MSH3: variants seen among roughly 807,000 people sequenced by gnomAD.
MSH3 encodes DNA mismatch repair protein Msh3.
Under a neutral mutation model 123.3 loss-of-function variants are expected in MSH3, and 106 were observed. The ratio of observed to expected loss-of-function variants is 0.86; its 90% CI spans 0.73 to 1.01. The LOEUF (loss-of-function observed/expected upper bound fraction) is 1.01. MSH3 is among the 50% of genes least tolerant of loss of function. MSH3 has a pLI of 0.00. For missense variants in MSH3, 1,459 were observed against 1,347.6 expected (o/e 1.08, Z -1.29); for synonymous variants, 515 against 481.4 (o/e 1.07, Z -0.91).
intron 20 of MSH3, among the ~76,000 whole-genome samples, chr5:80,844,732 T>TG (rs1186351565): frequency 3.3e-5 from 5 of 151,764 alleles, no homozygotes; most frequent in Admixed American, 3.3e-4. Context: ...CCCTGCTTTT[T>TG]TTTTGCTTTC....
chr5:80,659,869 C>T (rs1749391001), intron 2 of MSH3, among the ~76,000 whole-genome samples: 1 of 152,132 alleles, frequency 6.6e-6, no homozygotes, highest in South Asian at 2.1e-4. Context: ...TGCATTCATT[C>T]CTTTTTATTT....
intron 20 of MSH3, among the ~76,000 whole-genome samples, chr5:80,847,151 C>T (rs1461333285): frequency 6.6e-6 from 1 of 152,058 alleles, no homozygotes; most frequent in Non-Finnish European, 1.5e-5. Context: ...CCTCTGCCTC[C>T]CGGGCTCAAG....
chr5:80,804,533 T>A (rs857263), intron 19 of MSH3, among the ~76,000 whole-genome samples: 56,089 of 152,226 alleles, frequency 0.37, 10,603 homozygotes, highest in East Asian at 0.6. Flanking sequence ...GTAGACTCTT[T>A]GAGTTACCAC....
chr5:80,716,705 C>G (rs1750968635), intron 8 of MSH3, among the ~76,000 whole-genome samples: 3 of 152,074 alleles, frequency 2.0e-5, no homozygotes, highest in Admixed American at 1.3e-4. Flanking sequence ...TACCTGTCAC[C>G]TCAGACACAA....
At chr5:80,871,243 G>A (rs1357292863) in intron 22 of MSH3, among the ~76,000 whole-genome samples, 1 of 152,152 alleles carries the variant, frequency 6.6e-6, no homozygotes, top group East Asian at 1.9e-4. Flanking sequence ...GGGGTGAGGG[G>A]GATAGACCTC....
At chr5:80,670,451 A>G in intron 4 of MSH3, 142 bp downstream of exon 4, 1 of 932,970 alleles carries the variant, frequency 1.1e-6, no homozygotes, top group Non-Finnish European at 1.6e-6. Context: ...TGTAAAGTAA[A>G]AACTAAAAAT....
intron 17 of MSH3, 104 bp from the exon 18 acceptor site, chr5:80,787,461 C>G: frequency 1.3e-6 from 1 of 793,330 alleles, no homozygotes; most frequent in Non-Finnish European, 2.3e-6. Context: ...TGCTGATCAT[C>G]TGTATGCTTA....
At chr5:80,811,032 T>TA (rs76282266) in intron 19 of MSH3, among the ~76,000 whole-genome samples, 8 of 150,460 alleles carry the variant, frequency 5.3e-5, no homozygotes, top group Admixed American at 2.7e-4. Flanking sequence ...TATTTCAAGA[T>TA]AAAAAAAAAA....
rs1179113880 is a variant in MSH3 at position 80,854,333 on chromosome 5, C to T, written c.3000+17C>T. ...ATCAGAGATGTAAGTATCCGGTAAACTGTATTTAAAAAGAAATTAATTTGT... is the reference window on the plus strand; with the variant it reads ...ATCAGAGATGTAAGTATCCGGTAAATTGTATTTAAAAAGAAATTAATTTGT... On this transcript the variant is annotated intron_variant, in intron 21 of 23. Coordinates refer to ENST00000265081, the MANE Select transcript of MSH3 (RefSeq NM_002439.5). The T allele has an allele frequency of 6.2e-7, 1 of 1,605,288 alleles. No individual in the cohort carries two copies. The highest frequency in any genetic ancestry group is 8.5e-7 in the Non-Finnish European group (1 of 1,172,732).
intron 8 of MSH3, among the ~76,000 whole-genome samples, chr5:80,707,175 C>T (rs1192825280): frequency 6.6e-6 from 1 of 152,230 alleles, no homozygotes; most frequent in Non-Finnish European, 1.5e-5. Context: ...AGCATAATGC[C>T]TATGCAATTC....
intron 17 of MSH3, among the ~76,000 whole-genome samples, chr5:80,783,484 C>T (rs1744444493): frequency 6.6e-6 from 1 of 152,170 alleles, no homozygotes; most frequent in Non-Finnish European, 1.5e-5. Context: ...TCATTTTATT[C>T]ATGTCTTATT....
At chr5:80,721,182 A>G (rs1239057921) in intron 8 of MSH3, among the ~76,000 whole-genome samples, 3 of 152,176 alleles carry the variant, frequency 2.0e-5, no homozygotes, top group Non-Finnish European at 4.4e-5. Context: ...ATTTTGCTGC[A>G]TATTGTCAAA....
At chr5:80,753,320 C>T (rs1743869238) in intron 12 of MSH3, among the ~76,000 whole-genome samples, 1 of 152,102 alleles carries the variant, frequency 6.6e-6, no homozygotes. Context: ...AGGATCTGCC[C>T]AGGTCATTTC....
At chr5:80,826,070 A>G (rs1745292898) in intron 20 of MSH3, among the ~76,000 whole-genome samples, 1 of 152,140 alleles carries the variant, frequency 6.6e-6, no homozygotes, top group African/African-American at 2.4e-5. Context: ...CGCTTCTTTT[A>G]TGGGAGTATT....
Position 80,672,363 on chromosome 5 carries a change from C to T in MSH3, c.909+3C>T, listed in dbSNP as rs763390172. ...GCCTGGTGGCAAAAGGATATAAGGTCAGCTTTGGCTTTAACTTGTGGGGAA... is the reference window on the plus strand; with the variant it reads ...GCCTGGTGGCAAAAGGATATAAGGTTAGCTTTGGCTTTAACTTGTGGGGAA... On this transcript the variant is annotated splice_donor_region_variant and intron_variant, in intron 5 of 23. Transcript: ENST00000265081. 1 of 1,601,714 alleles carries T rather than the reference C, an allele frequency of 6.2e-7. No individual in the cohort carries two copies. Among genetic ancestry groups the T allele is most frequent in the Non-Finnish European group, 8.6e-7 (1 of 1,168,646 alleles).
intron 19 of MSH3, among the ~76,000 whole-genome samples, chr5:80,804,668 G>C (rs560088593): frequency 1.3e-5 from 2 of 152,322 alleles, no homozygotes; most frequent in Admixed American, 6.5e-5. Context: ...AGAGCTGAGG[G>C]AGGGGTGACT....
At chr5:80,771,715 G>A (rs943964764) in intron 15 of MSH3, among the ~76,000 whole-genome samples, 3 of 152,088 alleles carry the variant, frequency 2.0e-5, no homozygotes, top group African/African-American at 7.2e-5. Flanking sequence ...TGTGAGCCAC[G>A]TGATGGTATG....
chr5:80,792,477 A>G (rs1381371634), intron 18 of MSH3, among the ~76,000 whole-genome samples: 2 of 152,068 alleles, frequency 1.3e-5, no homozygotes, highest in Admixed American at 6.6e-5. Flanking sequence ...GGGTGAAGCC[A>G]TTTATAAGAC....
intron 15 of MSH3, 48 bp downstream of exon 15, chr5:80,769,051 A>G: frequency 6.6e-7 from 1 of 1,521,600 alleles, no homozygotes; most frequent in Non-Finnish European, 9.1e-7. Context: ...CTCTAGTAGA[A>G]AAGCTATTTT....
Sources: allele counts gnomAD v4.1 joint callset (sites outside exome capture counted in the v4.1 genomes callset), GRCh38; gene constraint gnomAD v4.1.1; transcripts MANE v1.5; gene names NCBI Gene and HGNC (gene_info 2026-07-23, HGNC 2026-07-21).